Variants in WNT10B observed in about 807,000 individuals in gnomAD.
The protein encoded by WNT10B is protein Wnt-10b.
In WNT10B, 26 loss-of-function variants were observed where a neutral mutation model predicts 32.7. The ratio of observed to expected loss-of-function variants is 0.79; its 90% CI spans 0.58 to 1.10. The LOEUF (loss-of-function observed/expected upper bound fraction) is 1.10, where lower values mean the gene tolerates loss of function less well. Ranked by LOEUF, WNT10B falls within the 50% of genes least tolerant of loss-of-function variation. WNT10B has a pLI of 0.00. For missense variants in WNT10B, 474 were observed against 532.5 expected (o/e 0.89, Z 1.08); for synonymous variants, 204 against 220.4 (o/e 0.93, Z 0.66).
At chr12:48,969,899 T>C (rs1214115275) in intron 3 of WNT10B, among the ~76,000 whole-genome samples, 190 bp downstream of exon 3, 1 of 148,178 alleles carries the variant, frequency 6.7e-6, no homozygotes, top group Non-Finnish European at 1.5e-5. Flanking sequence ...AGCACGCAGG[T>C]GGAAGTTAGG....
chr12:48,967,244 C>A (rs185915533), intron 4 of WNT10B, among the ~76,000 whole-genome samples: 1 of 150,810 alleles, frequency 6.6e-6, no homozygotes, highest in Non-Finnish European at 1.5e-5. Context: ...AGGCTCACTG[C>A]AACCTCTGCC....
At position 48,966,171 on chromosome 12, in the gene WNT10B, T is replaced by C. The variant is rs181121400; in HGVS notation, c.1094A>G (p.His365Arg). The C allele has an allele frequency of 1.1e-5, 18 of 1,613,618 alleles. No homozygotes were observed. In the African/African-American group the frequency reaches 1.9e-4, roughly 17 times the overall value. Reference sequence around the variant, plus strand: ...ATAGCAGCACCAGTGGAAGCGGCAATGGCAGCGCTCAACTCGTGTCTGCCG... The same window carrying C: ...ATAGCAGCACCAGTGGAAGCGGCAACGGCAGCGCTCAACTCGTGTCTGCCG... ...VLRQTRVERC[H>R]CRFHWCCYVL... Residue 365 changes from histidine (H) to arginine (R), a missense_variant, in exon 5 of 5, where the codon CAT (histidine) becomes CGT (arginine). By Grantham distance (29) the His-to-Arg change is conservative. Coordinates refer to ENST00000301061, the MANE Select transcript of WNT10B (RefSeq NM_003394.4).
intron 3 of WNT10B, chr12:48,969,063 A>C (rs1311853238): frequency 2.1e-6 from 1 of 470,708 alleles, no homozygotes; most frequent in African/African-American, 2.0e-5. Flanking sequence ...GGGGTCACAG[A>C]AGCTCAGGCT....
In WNT10B at chr12:48,970,297, C is replaced by A. The variant is rs1241603388; in HGVS notation, c.129G>T (p.Thr43=). ...ACAGCGTCAAGCACACGGTGTTGGCCGTCAGCGGCGGCTCGCCAGGCAACT... is the reference window on the plus strand; with the variant it reads ...ACAGCGTCAAGCACACGGTGTTGGCAGTCAGCGGCGGCTCGCCAGGCAACT... The part of the protein sequence containing the change: ...GLKLPGEPPL[T]ANTVCLTLSG... Residue 43 remains threonine (T), a synonymous_variant, in exon 3 of 5, where the codon ACG becomes ACT. Coordinates refer to ENST00000301061, the MANE Select transcript of WNT10B (RefSeq NM_003394.4). The surrounding 1 kb of genome is among the most constrained non-coding windows in gnomAD (Gnocchi z 5.0). The A allele has an allele frequency of 1.9e-6, 3 of 1,614,024 alleles. No individual in the cohort carries two copies. Among genetic ancestry groups the A allele is most frequent in the Non-Finnish European group, 2.5e-6 (3 of 1,179,958 alleles).
Position 48,970,322 on chromosome 12 carries a change from T to C in WNT10B, c.104A>G (p.Lys35Arg), listed in dbSNP as rs1317469222. The C allele has an allele frequency of 1.2e-6, 2 of 1,613,794 alleles. No individual in the cohort carries two copies. Among genetic ancestry groups the C allele is most frequent in the African/African-American group, 1.3e-5 (1 of 74,894 alleles). The change falls in exon 3 of 5, where the codon AAG becomes AGG. Residue 35 changes from lysine (K) to arginine (R), a missense_variant. Lys to Arg is a conservative substitution (Grantham distance 26). Transcript: ENST00000301061. The surrounding 1 kb of genome is among the most constrained non-coding windows in gnomAD (Gnocchi z 5.0). ...CGTCAGCGGCGGCTCGCCAGGCAAC[T>C]TCAGGCCCAGAATCTCATTGCTTAG... ...RALSNEILGL[K>R]LPGEPPLTAN...
chr12:48,968,321 T>G lies in WNT10B; in HGVS notation c.338-2A>C, dbSNP rs573392463. On this transcript the variant is annotated splice_acceptor_variant, in intron 3 of 4. Transcript: ENST00000301061. LOFTEE classifies it high-confidence loss of function. ...AGGAAAAAGCACTTTCTCGGAAACCTGGGGATGAGAAGGGTGTGATGGTGG... is the reference window on the plus strand; with the variant it reads ...AGGAAAAAGCACTTTCTCGGAAACCGGGGGATGAGAAGGGTGTGATGGTGG... 1 of 1,600,142 alleles carries G rather than the reference T, an allele frequency of 6.2e-7. No homozygotes were observed. Among genetic ancestry groups the G allele is most frequent in the African/African-American group, 1.3e-5 (1 of 75,032 alleles).
intron 3 of WNT10B, among the ~76,000 whole-genome samples, chr12:48,968,786 T>TTG (rs1940791158): frequency 1.4e-5 from 2 of 146,906 alleles, no homozygotes; most frequent in Admixed American, 6.6e-5. Context: ...TTCTGTTTTT[T>TTG]TGTTTTTTTT....
rs552018357 is a variant in WNT10B, at chr12:48,968,403, C to A, written c.338-84G>T. 54 of 1,570,604 alleles carry A rather than the reference C, an allele frequency of 3.4e-5. 1 individual carries two copies. The East Asian group carries it at 1.2e-3, about 35-fold the overall frequency. On this transcript the variant is annotated intron_variant, in intron 3 of 4. Transcript: ENST00000301061. ...AGGCAGAAAGAAATAAACAGCCCCC[C>A]TCCAACTCCAGAAATTCCTAACTGA...
chr12:48,967,076 C>T (rs149554157), intron 4 of WNT10B, among the ~76,000 whole-genome samples: 5,908 of 150,194 alleles, frequency 0.039, 392 homozygotes, highest in African/African-American at 0.13. Context: ...CTGCAACCTC[C>T]GCCTCCCAGG....
At position 48,970,144 on chromosome 12, in the gene WNT10B, GC is replaced by G; in HGVS notation, c.281del (p.Cys94SerfsTer39). 6.5e-7 allele frequency: 1 copy of G among 1,538,804 alleles called. No individual in the cohort carries two copies. Among genetic ancestry groups the G allele is most frequent in the Non-Finnish European group, 8.7e-7 (1 of 1,145,944 alleles). On this transcript the variant is annotated frameshift_variant, in exon 3 of 5. Transcript: ENST00000301061. LOFTEE classifies it high-confidence loss of function. This position sits in a 1 kb window ranked among gnomAD's most constrained non-coding sequence, Gnocchi z 5.0. ...GGCGGCCGCCGCCCTCAAGCGCGGAGCAGTTCCAGCGCTGGTCGCGCAGCTG... is the reference window on the plus strand; with the variant it reads ...GGCGGCCGCCGCCCTCAAGCGCGGAGAGTTCCAGCGCTGGTCGCGCAGCTG... ...QHQLRDQRWN[C>X]SALEGGGRLP...
At chr12:48,969,081 C>G (rs1291201770) in intron 3 of WNT10B, 1 of 470,936 alleles carries the variant, frequency 2.1e-6, no homozygotes, top group Non-Finnish European at 4.4e-6. Flanking sequence ...GCTGCCAAGC[C>G]TTTCCCAGAC....
chr12:48,970,643 C>T lies in WNT10B; in HGVS notation c.-40-74G>A. 2 of 1,257,720 alleles carry T rather than the reference C, an allele frequency of 1.6e-6. No individual in the cohort carries two copies. The highest frequency in any genetic ancestry group is 1.5e-5 in the African/African-American group (1 of 66,990). 77.9% of individuals were successfully genotyped at this position (1,257,720 alleles called of 1,614,324 possible). A position where few individuals can be genotyped will look rare whatever the true frequency, so the allele number is the denominator to read the frequency against. On this transcript the variant is annotated intron_variant, in intron 1 of 4. Coordinates refer to ENST00000301061, the MANE Select transcript of WNT10B (RefSeq NM_003394.4). This position sits in a 1 kb window ranked among gnomAD's most constrained non-coding sequence, Gnocchi z 5.0. ...TGGGGAACCAAGTGACGCCCTTCTT[C>T]GGGCTCCTAACCCACCGGTGCCACC... is the stretch of plus-strand genomic sequence containing the variant.
chr12:48,969,964 G>A (rs1039246377), intron 3 of WNT10B, 125 bp downstream of exon 3: 9 of 1,198,020 alleles, frequency 7.5e-6, no homozygotes, highest in African/African-American at 1.6e-5. Flanking sequence ...TCCGGGGGGG[G>A]CGGGGAATTC....
Position 48,967,959 on chromosome 12 carries a change from CTGT to C in WNT10B, c.695_697del (p.Asn232del), listed in dbSNP as rs776938956. On this transcript the variant is annotated inframe_deletion, in exon 4 of 5. Coordinates refer to ENST00000301061, the MANE Select transcript of WNT10B (RefSeq NM_003394.4). ...GTACACACATACCTGGCGCCCCACC[CTGT>C]TGTTGTGGATTCGCATTCGTGCCTG... 3.1e-6 allele frequency: 5 copies of C among 1,614,206 alleles called. 1 individual carries two copies. Among genetic ancestry groups the C allele is most frequent in the East Asian group, 2.2e-5 (1 of 44,888 alleles).
At position 48,966,313 on chromosome 12, in the gene WNT10B, A is replaced by G. The variant is rs1940731100; in HGVS notation, c.952T>C (p.Cys318Arg). ...LVYFEKSPDFCERDPTMGSPG... is the reference protein window; with the variant it reads ...LVYFEKSPDFRERDPTMGSPG... ...GAGCCCATAGTGGGGTCTCGCTCAC[A>G]GAAGTCAGGAGACTTCTCAAAGTAG... Residue 318 changes from cysteine to arginine, a missense_variant, in exon 5 of 5, where the codon TGT (cysteine) becomes CGT (arginine). By Grantham distance (180) the Cys-to-Arg change is radical. Transcript: ENST00000301061. 6.2e-7 allele frequency: 1 copy of G among 1,614,100 alleles called. No individual in the cohort carries two copies. Among genetic ancestry groups the G allele is most frequent in the Non-Finnish European group, 8.5e-7 (1 of 1,180,046 alleles).
intron 4 of WNT10B, among the ~76,000 whole-genome samples, chr12:48,967,014 G>T (rs1331997443): frequency 6.6e-6 from 1 of 152,170 alleles, no homozygotes; most frequent in Non-Finnish European, 1.5e-5. Flanking sequence ...TTTTGAGACG[G>T]AGCCTTGCTC....
In WNT10B at chr12:48,965,653, T is replaced by G; in HGVS notation, c.*442A>C. On this transcript the variant is annotated 3_prime_UTR_variant, in exon 5 of 5. Coordinates refer to ENST00000301061, the MANE Select transcript of WNT10B (RefSeq NM_003394.4). ...GGGAGCCCAGGCTGCAGTAAAGGAG[T>G]TTGGGGATAGTACATAGGAGTGGGT... 6.0e-6 allele frequency: 1 copy of G among 165,386 alleles called. No individual in the cohort carries two copies. The allele number at this position is 165,386 out of a possible 1,614,324, so 10.2% of individuals were successfully genotyped here.
intron 3 of WNT10B, chr12:48,969,048 T>C (rs766354428): frequency 6.4e-6 from 3 of 470,194 alleles, no homozygotes; most frequent in Admixed American, 2.4e-5. Flanking sequence ...CTTTGTTATG[T>C]TTTGGGGGTC....
At position 48,971,623 on chromosome 12, in the gene WNT10B, GCC is replaced by G. The variant is rs1416142268; in HGVS notation, c.-211_-210del. Reference sequence around the variant, plus strand: ...TCACCGCTTCCCCAGCGCCGCCGCGGCCGCCGGGAGGAAGGGAGGGAGGAAGG... The same window carrying G: ...TCACCGCTTCCCCAGCGCCGCCGCGGGCCGGGAGGAAGGGAGGGAGGAAGG... On this transcript the variant is annotated 5_prime_UTR_variant, in exon 1 of 5. Coordinates refer to ENST00000301061, the MANE Select transcript of WNT10B (RefSeq NM_003394.4). 7.2e-5 allele frequency: 11 copies of G among 152,632 alleles called. No homozygotes were observed. 9.5% of individuals were successfully genotyped at this position (152,632 alleles called of 1,614,324 possible).
Sources: gnomAD v4.1 joint callset for allele counts (sites outside exome capture counted in the v4.1 genomes callset) on GRCh38, gnomAD v4.1.1 for gene constraint, Gnocchi (gnomAD v3.1) non-coding constraint, MANE v1.5 for transcripts, NCBI Gene and HGNC (gene_info 2026-07-23, HGNC 2026-07-21) for gene names.